NDUFAF6: variants seen among roughly 807,000 people sequenced by gnomAD.
NDUFAF6 encodes NADH dehydrogenase (ubiquinone) complex I, assembly factor 6.
Under a neutral mutation model 40.8 loss-of-function variants are expected in NDUFAF6, and 45 were observed. That is an observed-to-expected ratio of 1.10 (90% CI 0.87 to 1.42). NDUFAF6 has a LOEUF of 1.42. NDUFAF6 is among the 40% of genes most tolerant of loss of function. The pLI, the probability that NDUFAF6 is intolerant of heterozygous loss-of-function variation, is 0.00. For missense variants in NDUFAF6, 435 were observed against 418.5 expected, an observed-to-expected ratio of 1.04 and a Z score of -0.34; for synonymous variants, 185 against 155.9, an observed-to-expected ratio of 1.19 and a Z score of -1.39.
chr8:94,928,930 T>C lies in NDUFAF6; in HGVS notation c.-935-16553T>C, dbSNP rs1042158739. 3.9e-5 allele frequency: 6 copies of C among 152,768 alleles called. 1 individual carries two copies. The highest frequency in any genetic ancestry group is 3.3e-4 in the Admixed American group (5 of 15,294). 9.5% of individuals were successfully genotyped at this position (152,768 alleles called of 1,614,324 possible). ...GATGGAAAAACAAGCTGTTTGATTATGAAGGCAACACTTCTGTCAGTAGAA... is the reference window on the plus strand; with the variant it reads ...GATGGAAAAACAAGCTGTTTGATTACGAAGGCAACACTTCTGTCAGTAGAA... On this transcript the variant is annotated intron_variant, in intron 1 of 14. Transcript: ENST00000396113.
intron 2 of NDUFAF6, among the ~76,000 whole-genome samples, chr8:95,009,460 C>T (rs1409099386): frequency 6.6e-6 from 1 of 152,096 alleles, no homozygotes. Flanking sequence ...TTGGCTGTTC[C>T]ATGGTGTTGA....
chr8:94,932,567 G>A (rs751042703), intron 1 of NDUFAF6, among the ~76,000 whole-genome samples: 27 of 152,242 alleles, frequency 1.8e-4, no homozygotes, highest in Non-Finnish European at 3.1e-4. Context: ...ACTTTGGGAG[G>A]CTGAGGCGGG....
In NDUFAF6 at chr8:95,036,357, A is replaced by G. The variant is rs541300767; in HGVS notation, c.420+781A>G. On this transcript the variant is annotated intron_variant, in intron 3 of 8. Coordinates refer to ENST00000396124, the MANE Select transcript of NDUFAF6 (RefSeq NM_152416.4). ...AGCCACCCACAGACCTGACAGTGGT[A>G]CACCTCTTCTCAGGTCTGCACACCA... 3.8e-5 allele frequency: 49 copies of G among 1,289,354 alleles called. No homozygotes were observed. In the Admixed American group the frequency reaches 1.1e-3, roughly 30 times the overall value. 79.9% of individuals were successfully genotyped at this position (1,289,354 alleles called of 1,614,324 possible). A position where few individuals can be genotyped will look rare whatever the true frequency, so the allele number is the denominator to read the frequency against.
chr8:94,911,292 G>A (rs1055798570), intron 1 of NDUFAF6, among the ~76,000 whole-genome samples: 41 of 152,152 alleles, frequency 2.7e-4, no homozygotes, highest in Non-Finnish European at 4.7e-4. Context: ...TTCATGAGAG[G>A]TTTGGAATTA....
Position 94,963,107 on chromosome 8 carries a change from C to T in NDUFAF6, c.-199+4928C>T, listed in dbSNP as rs114640769. On this transcript the variant is annotated intron_variant, in intron 1 of 9. Transcript: ENST00000396111. ...ACTACACCTGGCCCAAACTCCTTTT[C>T]GTGTGAGAAAAAAAAATCACTAACT... 5.2e-3 allele frequency among the ~76,000 whole-genome samples: 786 copies of T among 152,024 alleles called. 6 individuals are homozygous for T. The highest frequency in any genetic ancestry group is 0.018 in the African/African-American group (750 of 41,476).
intron 4 of NDUFAF6, among the ~76,000 whole-genome samples, chr8:95,044,225 G>C (rs56372680): frequency 2.0e-5 from 3 of 152,136 alleles, no homozygotes; most frequent in Admixed American, 1.3e-4. Context: ...GGCTGAGGAG[G>C]GGGGGAAATG....
At chr8:95,075,712 G>T in exon 10 of NDUFAF6, 1 of 1,287,764 alleles carries the variant, frequency 7.8e-7, no homozygotes, top group Non-Finnish European at 1.0e-6. Flanking sequence ...CTGGGAGAGA[G>T]ATTTGAAGGA....
chr8:95,087,459 T>C (rs1309452806), intron 2 of NDUFAF6, among the ~76,000 whole-genome samples: 2 of 152,250 alleles, frequency 1.3e-5, no homozygotes, highest in Non-Finnish European at 2.9e-5. Flanking sequence ...CATTTGGCTG[T>C]AGCAATTGTT....
intron 9 of NDUFAF6, among the ~76,000 whole-genome samples, chr8:95,074,329 G>C (rs1034175844): frequency 6.6e-6 from 1 of 152,142 alleles, no homozygotes; most frequent in Non-Finnish European, 1.5e-5. Context: ...TCACCTGGGA[G>C]TCCTTTTCGT....
chr8:95,030,959 C>T (rs988389056), intron 1 of NDUFAF6, among the ~76,000 whole-genome samples: 1 of 152,136 alleles, frequency 6.6e-6, no homozygotes, highest in Non-Finnish European at 1.5e-5. Flanking sequence ...GAGGAGGTGC[C>T]AGGCTCTTTT....
At chr8:94,958,741 C>T (rs1196514501) in intron 1 of NDUFAF6, among the ~76,000 whole-genome samples, 2 of 151,950 alleles carry the variant, frequency 1.3e-5, no homozygotes, top group African/African-American at 4.8e-5. Flanking sequence ...AAACTCCTGA[C>T]CTCAGGTGAT....
Position 95,008,677 on chromosome 8 carries a change from C to A in NDUFAF6, c.-83-23318C>A, listed in dbSNP as rs148474507. Among the ~76,000 whole-genome samples, 58 of 151,970 alleles carry A rather than the reference C, an allele frequency of 3.8e-4. 1 individual carries two copies. The East Asian group carries it at 0.01, about 27-fold the overall frequency. Reference sequence around the variant, plus strand: ...ACGTGCCACTACGCCCGGGTAATTTCTTTGTATTTTTAGTAGAGACAGGGT... The same window carrying A: ...ACGTGCCACTACGCCCGGGTAATTTATTTGTATTTTTAGTAGAGACAGGGT... On this transcript the variant is annotated intron_variant, in intron 2 of 9. Coordinates refer to the NDUFAF6 transcript ENST00000396111.
At chr8:94,933,968 T>C (rs1247748111) in intron 1 of NDUFAF6, among the ~76,000 whole-genome samples, 1 of 151,402 alleles carries the variant, frequency 6.6e-6, no homozygotes, top group Non-Finnish European at 1.5e-5. Flanking sequence ...TCCCAGCTAC[T>C]TGGGAGGCTG....
At chr8:95,091,159 C>T (rs1202779431) in intron 2 of NDUFAF6, among the ~76,000 whole-genome samples, 2 of 152,040 alleles carry the variant, frequency 1.3e-5, no homozygotes, top group Non-Finnish European at 2.9e-5. Context: ...AGTCCGTTTT[C>T]ACACTGCTAT....
intron 4 of NDUFAF6, among the ~76,000 whole-genome samples, chr8:95,114,616 T>G (rs1458816567): frequency 6.6e-6 from 1 of 152,242 alleles, no homozygotes; most frequent in Non-Finnish European, 1.5e-5. Context: ...ACTGTACTTA[T>G]GAGTCATCTT....
chr8:95,086,758 C>A (rs558256796), intron 2 of NDUFAF6, among the ~76,000 whole-genome samples: 1 of 152,084 alleles, frequency 6.6e-6, no homozygotes, highest in Admixed American at 6.6e-5. Flanking sequence ...CCCCCCACCA[C>A]GCCCGGCTAA....
At chr8:95,038,459 C>T (rs984634535) in intron 3 of NDUFAF6, among the ~76,000 whole-genome samples, 23 of 151,764 alleles carry the variant, frequency 1.5e-4, no homozygotes, top group African/African-American at 5.3e-4. Flanking sequence ...CAGCTTTGAT[C>T]TCCCAGGCCC....
intron 4 of NDUFAF6, among the ~76,000 whole-genome samples, chr8:95,110,889 G>T (rs1809981812): frequency 6.6e-6 from 1 of 152,194 alleles, no homozygotes; most frequent in Non-Finnish European, 1.5e-5. Context: ...AAAATTTCTG[G>T]CTGAATGCAG....
Position 94,931,609 on chromosome 8 carries a change from C to CACACACAT in NDUFAF6, c.-935-13873_-935-13872insCACACATA, listed in dbSNP as rs146282014. 6.5e-3 allele frequency among the ~76,000 whole-genome samples: 993 copies of CACACACAT among 151,660 alleles called. 12 individuals carry two copies. The highest frequency in any genetic ancestry group is 0.022 in the African/African-American group (927 of 41,272). ...TATTACACACACACACACACACACA[C>CACACACAT]ATAAAATTTTTTTAAAGTAGAATTT... is the stretch of plus-strand genomic sequence containing the variant. On this transcript the variant is annotated intron_variant, in intron 1 of 14. Transcript: ENST00000396113.
Sources: allele counts gnomAD v4.1 joint callset (sites outside exome capture counted in the v4.1 genomes callset), GRCh38; gene constraint gnomAD v4.1.1; transcripts MANE v1.5; gene names NCBI Gene and HGNC (gene_info 2026-07-23, HGNC 2026-07-21).